MPPED2: variants seen among roughly 807,000 people sequenced by gnomAD.
MPPED2 encodes metallophosphoesterase MPPED2.
A neutral mutation model predicts 33.0 loss-of-function variants in MPPED2; 5 were observed. That is an observed-to-expected ratio of 0.15 (90% CI 0.08 to 0.32). MPPED2 has a LOEUF of 0.32. MPPED2 is among the 10% of genes least tolerant of loss of function. The probability of loss-of-function intolerance (pLI) is 1.00; values close to 1 mark genes in which losing one functional copy is unlikely to be tolerated. For missense variants in MPPED2, 275 were observed against 372.1 expected, an observed-to-expected ratio of 0.74 and a Z score of 2.15; for synonymous variants, 136 against 141.9, an observed-to-expected ratio of 0.96 and a Z score of 0.29.
At chr11:30,433,937 G>A (rs1028726571) in intron 4 of MPPED2, among the ~76,000 whole-genome samples, 2 of 152,076 alleles carry the variant, frequency 1.3e-5, no homozygotes, top group Admixed American at 6.5e-5. Context: ...AAGCTCTGAG[G>A]GAGAATCTAA....
At chr11:30,465,436 C>G (rs111595843) in intron 4 of MPPED2, among the ~76,000 whole-genome samples, 1 of 152,256 alleles carries the variant, frequency 6.6e-6, no homozygotes, top group African/African-American at 2.4e-5. Flanking sequence ...TACAGGCCCA[C>G]GGCATCATGC....
intron 2 of MPPED2, among the ~76,000 whole-genome samples, chr11:30,552,201 T>C (rs1265136001): frequency 6.6e-6 from 1 of 152,220 alleles, no homozygotes; most frequent in African/African-American, 2.4e-5. Context: ...TAGGTAGGTG[T>C]TCTTGAACAC....
At chr11:30,561,050 A>T (rs555058738) in intron 2 of MPPED2, among the ~76,000 whole-genome samples, 1 of 152,280 alleles carries the variant, frequency 6.6e-6, no homozygotes, top group South Asian at 2.1e-4. Context: ...AACATGTCCA[A>T]TGTTTTATTT....
chr11:30,527,588 C>A (rs1019965009), intron 3 of MPPED2, among the ~76,000 whole-genome samples: 1 of 151,990 alleles, frequency 6.6e-6, no homozygotes, highest in Admixed American at 6.6e-5. Context: ...TGCTGCCCTG[C>A]TTCTGTGGTT....
rs557517396 is a variant in MPPED2, at chr11:30,410,419, G to C, written c.*1049C>G. 5.1e-6 allele frequency: 5 copies of C among 985,092 alleles called. No individual in the cohort carries two copies. The Admixed American group carries it at 3.1e-4, about 61-fold the overall frequency. 61.0% of individuals were successfully genotyped at this position (985,092 alleles called of 1,614,324 possible). A position where few individuals can be genotyped will look rare whatever the true frequency, so the allele number is the denominator to read the frequency against. Reference sequence around the variant, plus strand: ...ATTTTGTGCTAGCGAAGATTGCATCGACACACAGTGCAAAATGGGAGAGGG... The same window carrying C: ...ATTTTGTGCTAGCGAAGATTGCATCCACACACAGTGCAAAATGGGAGAGGG... On this transcript the variant is annotated 3_prime_UTR_variant, in exon 7 of 7. Transcript: ENST00000358117.
intron 3 of MPPED2, among the ~76,000 whole-genome samples, chr11:30,529,700 G>A (rs543440): frequency 0.11 from 17,361 of 152,162 alleles, 1,486 homozygotes; most frequent in African/African-American, 0.24. Flanking sequence ...CAGCCTTGGC[G>A]GTGAAGGTTT....
At chr11:30,517,999 A>C (rs1953630717) in intron 3 of MPPED2, among the ~76,000 whole-genome samples, 1 of 150,812 alleles carries the variant, frequency 6.6e-6, no homozygotes, top group Admixed American at 6.7e-5. Flanking sequence ...ACAAATTCAC[A>C]CTATTACTGA....
chr11:30,469,672 G>A (rs1950866838), intron 4 of MPPED2, among the ~76,000 whole-genome samples: 1 of 152,186 alleles, frequency 6.6e-6, no homozygotes, highest in Non-Finnish European at 1.5e-5. Context: ...AAGCCCTTCA[G>A]AGAGTGCCTC....
At chr11:30,535,599 T>A (rs138802295) in intron 3 of MPPED2, among the ~76,000 whole-genome samples, 91 of 152,286 alleles carry the variant, frequency 6.0e-4, no homozygotes, top group African/African-American at 2.1e-3. Flanking sequence ...CTTAGAAATG[T>A]TCTCTTACTA....
chr11:30,558,240 T>C (rs141758357), intron 2 of MPPED2, among the ~76,000 whole-genome samples: 1 of 152,284 alleles, frequency 6.6e-6, no homozygotes, highest in Non-Finnish European at 1.5e-5. Flanking sequence ...TGGTTTATAG[T>C]CACACTTCAA....
chr11:30,394,089 G>C (rs1947811971), intron 6 of MPPED2, among the ~76,000 whole-genome samples: 1 of 152,190 alleles, frequency 6.6e-6, no homozygotes, highest in Non-Finnish European at 1.5e-5. Flanking sequence ...CCAGGCTGTT[G>C]TGTGTACCAA....
At chr11:30,510,913 T>C (rs1953140390) in intron 3 of MPPED2, among the ~76,000 whole-genome samples, 1 of 152,202 alleles carries the variant, frequency 6.6e-6, no homozygotes, top group African/African-American at 2.4e-5. Context: ...TTTCAGTTCT[T>C]CAGGTTAAAC....
At chr11:30,388,109 C>G (rs190533495) in exon 7 of MPPED2, 1 of 152,444 alleles carries the variant, frequency 6.6e-6, no homozygotes, top group Non-Finnish European at 1.5e-5. Context: ...GGGCCTGGTG[C>G]GGGTGGGGGC....
Position 30,411,154 on chromosome 11 carries a change from A to G in MPPED2, c.*314T>C. ...TTTTTTTTCTTTCAGCTTAAAGCATATTAAAATAAGACTTTTATCACTTTT... is the reference window on the plus strand; with the variant it reads ...TTTTTTTTCTTTCAGCTTAAAGCATGTTAAAATAAGACTTTTATCACTTTT... On this transcript the variant is annotated 3_prime_UTR_variant, in exon 7 of 7. Transcript: ENST00000358117. 2 of 1,015,370 alleles carry G rather than the reference A, an allele frequency of 2.0e-6. No homozygotes were observed. The highest frequency in any genetic ancestry group is 2.4e-6 in the Non-Finnish European group (2 of 848,888). The allele number at this position is 1,015,370 out of a possible 1,614,324, so 62.9% of individuals were successfully genotyped here.
chr11:30,446,204 T>C (rs2133923928), intron 4 of MPPED2, among the ~76,000 whole-genome samples: 1 of 152,338 alleles, frequency 6.6e-6, no homozygotes, highest in East Asian at 1.9e-4. Flanking sequence ...CTGTGTGCGG[T>C]TAGAGGAGAC....
intron 4 of MPPED2, among the ~76,000 whole-genome samples, chr11:30,424,953 C>G (rs1948766575): frequency 6.6e-6 from 1 of 152,202 alleles, no homozygotes. Context: ...CTGGCTAGCC[C>G]AAACCACCAG....
At chr11:30,486,718 T>C (rs575404456) in intron 4 of MPPED2, among the ~76,000 whole-genome samples, 67 of 152,344 alleles carry the variant, frequency 4.4e-4, no homozygotes, top group South Asian at 1.9e-3. Context: ...CTCACTTTTA[T>C]TGAACGATGC....
chr11:30,525,520 A>T lies in MPPED2; in HGVS notation c.310+10474T>A, dbSNP rs578082657. On this transcript the variant is annotated intron_variant, in intron 3 of 6. Coordinates refer to ENST00000358117, the MANE Select transcript of MPPED2 (RefSeq NM_001584.3). Reference sequence around the variant, plus strand: ...CTGCTAAGCTGATGAAGTAATAATTATGTATGTCTTGCCTATGTTTTTTTC... The same window carrying T: ...CTGCTAAGCTGATGAAGTAATAATTTTGTATGTCTTGCCTATGTTTTTTTC... Among the ~76,000 whole-genome samples the T allele has an allele frequency of 4.6e-5, 7 of 152,304 alleles. No homozygotes were observed. The South Asian group carries it at 1.5e-3, about 32-fold the overall frequency.
chr11:30,450,065 T>C (rs1028324949), intron 4 of MPPED2, among the ~76,000 whole-genome samples: 11 of 152,206 alleles, frequency 7.2e-5, no homozygotes, highest in African/African-American at 2.7e-4. Context: ...ATCTGTATGT[T>C]TTTTCTCCTA....
Sources: allele counts gnomAD v4.1 joint callset (sites outside exome capture counted in the v4.1 genomes callset), GRCh38; gene constraint gnomAD v4.1.1; transcripts MANE v1.5; gene names NCBI Gene and HGNC (gene_info 2026-07-23, HGNC 2026-07-21).